The following TBC1D24 variants were observed in gnomAD, a reference collection of about 807,000 sequenced individuals.
TBC1D24 encodes the protein Infantile myoclonic epilepsy.
In TBC1D24, 47 loss-of-function variants were observed where a neutral mutation model predicts 50.7. The observed-to-expected ratio is 0.93, with a 90% CI of 0.73 to 1.18. The LOEUF (loss-of-function observed/expected upper bound fraction) is 1.18. TBC1D24 is among the 50% of genes most tolerant of loss of function. The pLI, the probability that TBC1D24 is intolerant of heterozygous loss-of-function variation, is 0.00. For missense variants in TBC1D24, 688 were observed against 766.5 expected (o/e 0.90, Z 1.21); for synonymous variants, 324 against 335.2 (o/e 0.97, Z 0.36).
intron 1 of TBC1D24, among the ~76,000 whole-genome samples, chr16:2,495,721 G>A (rs1274067670): frequency 6.6e-6 from 1 of 152,104 alleles, no homozygotes; most frequent in Admixed American, 6.5e-5. Flanking sequence ...GGAGGTTGCC[G>A]TGAGTGGAGA....
chr16:2,497,054 C>G lies in TBC1D24; in HGVS notation c.906C>G (p.Leu302=), dbSNP rs1237400368. 6.2e-7 allele frequency: 1 copy of G among 1,612,564 alleles called. No homozygotes were observed. ...IRLFSRKEIQ[L]LQMANEKALK... ...TCTTCTCCCGCAAGGAGATCCAGCT[C>G]CTGCAGATGGCCAATGAGAAAGCCC... Residue 302 remains leucine, a synonymous_variant, in exon 2 of 8, where the codon CTC becomes CTG. Transcript: ENST00000646147.
At position 2,498,379 on chromosome 16, in the gene TBC1D24, C is replaced by T. The variant is rs749163517; in HGVS notation, c.1125C>T (p.His375=). The T allele has an allele frequency of 6.2e-5, 100 of 1,606,800 alleles. No individual in the cohort carries two copies. In the Middle Eastern group the frequency reaches 1.0e-3, roughly 16 times the overall value. Residue 375 remains histidine (H), a synonymous_variant, in exon 4 of 8, where the codon CAC becomes CAT. Transcript: ENST00000646147. ...QPLLLFSSLQ[H]GYSLARFYFQ... Reference sequence around the variant, plus strand: ...TTCTGCTGTTCTCCTCCCTGCAGCACGGGTACAGCCTGGCCAGGTAACACC... The same window carrying T: ...TTCTGCTGTTCTCCTCCCTGCAGCATGGGTACAGCCTGGCCAGGTAACACC...
intron 1 of TBC1D24, among the ~76,000 whole-genome samples, chr16:2,490,634 G>T (rs1436292494): frequency 6.6e-6 from 1 of 152,194 alleles, no homozygotes; most frequent in African/African-American, 2.4e-5. Context: ...CAACCCACAG[G>T]GGTTGCTTGG....
At chr16:2,491,702 G>A (rs1349590109) in intron 1 of TBC1D24, among the ~76,000 whole-genome samples, 1 of 152,012 alleles carries the variant, frequency 6.6e-6, no homozygotes, top group Non-Finnish European at 1.5e-5. Context: ...CTACAGGCAT[G>A]TGCCACCACA....
rs2065563135 is a variant in TBC1D24 at position 2,475,816 on chromosome 16, T to C, written c.-116+646T>C. 1.3e-5 allele frequency among the ~76,000 whole-genome samples: 2 copies of C among 152,126 alleles called. No homozygotes were observed. Among genetic ancestry groups the C allele is most frequent in the South Asian group, 4.1e-4 (2 of 4,834 alleles). ...AGAGCCGGCCCCACCTGGGCTGGGC[T>C]GCACCTGTTCCCGCCCCCTCCAGGC... On this transcript the variant is annotated intron_variant, in intron 1 of 7. Coordinates refer to ENST00000646147, the MANE Select transcript of TBC1D24 (RefSeq NM_001199107.2). This position sits in a 1 kb window ranked among gnomAD's most constrained non-coding sequence, Gnocchi z 4.2.
At chr16:2,498,433 G>A (rs376478746) in intron 4 of TBC1D24, 37 bp downstream of exon 4, 27 of 1,566,898 alleles carry the variant, frequency 1.7e-5, no homozygotes, top group East Asian at 1.2e-4. Context: ...CGGCAGAGCC[G>A]CCCAGCCACG....
Position 2,499,559 on chromosome 16 carries a change from G to A in TBC1D24, c.1206+139G>A, listed in dbSNP as rs2065772971. 1 of 803,396 alleles carries A rather than the reference G, an allele frequency of 1.2e-6. No individual in the cohort carries two copies. The highest frequency in any genetic ancestry group is 2.1e-6 in the Non-Finnish European group (1 of 475,856). The allele number at this position is 803,396 out of a possible 1,614,324, so 49.8% of individuals were successfully genotyped here. ...CAGAGTCAGAGCGTGGGTATGGCCA[G>A]CACATGGGGCTCATCCCACACTCAG... is the stretch of plus-strand genomic sequence containing the variant. On this transcript the variant is annotated intron_variant, in intron 5 of 7. Transcript: ENST00000646147. The surrounding 1 kb of genome is among the most constrained non-coding windows in gnomAD (Gnocchi z 4.0).
In TBC1D24 at chr16:2,497,022, A is replaced by G; in HGVS notation, c.874A>G (p.Ile292Val). ...GAAGCTGCTGGAGAAAGCGTTCGCC[A>G]TCCGCCTCTTCTCCCGCAAGGAGAT... ...PEKLLEKAFA[I>V]RLFSRKEIQL... The change falls in exon 2 of 8, where the codon ATC (isoleucine) becomes GTC (valine). Residue 292 changes from isoleucine (I) to valine (V), a missense_variant. Ile to Val is a conservative substitution (Grantham distance 29, BLOSUM62 3). Transcript: ENST00000646147. 6.2e-7 allele frequency: 1 copy of G among 1,613,770 alleles called. No homozygotes were observed. Among genetic ancestry groups the G allele is most frequent in the Non-Finnish European group, 8.5e-7 (1 of 1,180,030 alleles).
At chr16:2,478,197 G>A (rs1050510054) in intron 1 of TBC1D24, 1 of 152,450 alleles carries the variant, frequency 6.6e-6, no homozygotes, top group African/African-American at 2.4e-5. Context: ...ACACCTGCAA[G>A]CCCAGCATTT....
In TBC1D24 at chr16:2,499,286, C is replaced by A; in HGVS notation, c.1143-71C>A. On this transcript the variant is annotated intron_variant, in intron 4 of 7. Transcript: ENST00000646147. This position sits in a 1 kb window ranked among gnomAD's most constrained non-coding sequence, Gnocchi z 4.0. ...GGTCTTCGCCCCAAGACAGCTGGGG[C>A]CAGCGGAGGCTGCAGGAGGCGGCTG... The A allele has an allele frequency of 7.0e-7, 1 of 1,419,798 alleles. No individual in the cohort carries two copies. Among genetic ancestry groups the A allele is most frequent in the Non-Finnish European group, 9.8e-7 (1 of 1,019,100 alleles). The allele number at this position is 1,419,798 out of a possible 1,614,324, so 88.0% of individuals were successfully genotyped here.
intron 1 of TBC1D24, among the ~76,000 whole-genome samples, chr16:2,489,371 G>T (rs1366205968): frequency 1.3e-5 from 2 of 152,172 alleles, no homozygotes; most frequent in African/African-American, 2.4e-5. Flanking sequence ...GGCGGAGTTT[G>T]CAGGGAGCCG....
rs1297549558 is a variant in TBC1D24 at position 2,500,111 on chromosome 16, T to TTCATCTGC, written c.1303-154_1303-147dup. On this transcript the variant is annotated intron_variant, in intron 6 of 7. Transcript: ENST00000646147. This position sits in a 1 kb window ranked among gnomAD's most constrained non-coding sequence, Gnocchi z 8.0. The stretch of plus-strand genomic sequence containing the variant: ...CGTGCGCTGCTCCGGGGCAGGGGGC[T>TTCATCTGC]TCATCTGCTCGAGCCACCAGCTCCC... 1.3e-5 allele frequency among the ~76,000 whole-genome samples: 2 copies of TTCATCTGC among 152,032 alleles called. No homozygotes were observed. Among genetic ancestry groups the TTCATCTGC allele is most frequent in the South Asian group, 4.1e-4 (2 of 4,824 alleles).
At chr16:2,497,612 G>A (rs2065754733) in intron 2 of TBC1D24, 98 bp from the exon 3 acceptor site, 6 of 1,258,728 alleles carry the variant, frequency 4.8e-6, no homozygotes, top group African/African-American at 1.5e-5. Context: ...TTTCTTCTGG[G>A]CCAGCAAAGG....
rs2065629556 is a variant in TBC1D24 at position 2,483,938 on chromosome 16, C to T, written c.-116+8768C>T. On this transcript the variant is annotated intron_variant, in intron 1 of 7. Coordinates refer to ENST00000646147, the MANE Select transcript of TBC1D24 (RefSeq NM_001199107.2). This position sits in a 1 kb window ranked among gnomAD's most constrained non-coding sequence, Gnocchi z 4.0. Reference sequence around the variant, plus strand: ...TCACCGTGGTTAGTGACACTGTCACCATCCAGCCCCGGTCAGACATGGTCC... The same window carrying T: ...TCACCGTGGTTAGTGACACTGTCACTATCCAGCCCCGGTCAGACATGGTCC... 1 of 152,316 alleles carries T rather than the reference C, an allele frequency of 6.6e-6. No individual in the cohort carries two copies. The highest frequency in any genetic ancestry group is 6.5e-5 in the Admixed American group (1 of 15,282). 9.4% of individuals were successfully genotyped at this position (152,316 alleles called of 1,614,324 possible). A position where few individuals can be genotyped will look rare whatever the true frequency, so the allele number is the denominator to read the frequency against.
intron 1 of TBC1D24, among the ~76,000 whole-genome samples, chr16:2,491,098 A>G (rs1158342404): frequency 1.3e-5 from 2 of 152,180 alleles, no homozygotes; most frequent in Non-Finnish European, 2.9e-5. Flanking sequence ...TCCTCATCTC[A>G]GTTGCCAGTT....
intron 1 of TBC1D24, among the ~76,000 whole-genome samples, chr16:2,489,323 T>G (rs573067681): frequency 2.0e-3 from 305 of 151,878 alleles, no homozygotes; most frequent in African/African-American, 7.0e-3. Context: ...TCCCAGCTAC[T>G]CGGGAGGCTG....
At chr16:2,479,054 A>G (rs1359089670) in intron 1 of TBC1D24, 1 of 151,716 alleles carries the variant, frequency 6.6e-6, no homozygotes, top group Non-Finnish European at 1.5e-5. Flanking sequence ...CACCATGCCT[A>G]GCTAATTTTT....
Position 2,490,978 on chromosome 16 carries a change from G to T in TBC1D24, c.-115-5056G>T, listed in dbSNP as rs543236117. ...AGCCAGCCAGCAGATAGACAACAGG[G>T]AAAGCCACTCGGCCGTGAAAGCTCA... is the stretch of plus-strand genomic sequence containing the variant. On this transcript the variant is annotated intron_variant, in intron 1 of 7. Coordinates refer to ENST00000646147, the MANE Select transcript of TBC1D24 (RefSeq NM_001199107.2). Among the ~76,000 whole-genome samples the T allele has an allele frequency of 3.3e-5, 5 of 152,338 alleles. No individual in the cohort carries two copies. The East Asian group carries it at 9.7e-4, about 29-fold the overall frequency.
intron 2 of TBC1D24, 151 bp from the exon 3 acceptor site, chr16:2,497,559 G>T (rs1450344718): frequency 2.6e-6 from 2 of 763,132 alleles, no homozygotes; most frequent in South Asian, 1.5e-5. Flanking sequence ...GGCAGCCAGC[G>T]CTGTGATGGT....
Sources: allele counts gnomAD v4.1 joint callset (sites outside exome capture counted in the v4.1 genomes callset), GRCh38; gene constraint gnomAD v4.1.1; non-coding constraint Gnocchi (gnomAD v3.1); transcripts MANE v1.5; gene names NCBI Gene and HGNC (gene_info 2026-07-23, HGNC 2026-07-21).